The following NUP153 variants were observed in gnomAD, a reference collection of about 807,000 sequenced individuals.
The protein encoded by NUP153 is nuclear pore complex protein Nup153.
In NUP153, 27 loss-of-function variants were observed where a neutral mutation model predicts 134.6. That is an observed-to-expected ratio of 0.20 (90% CI 0.15 to 0.28). The LOEUF is 0.28. Among genes scored for constraint, NUP153 ranks in the 10% least tolerant of loss-of-function variants. The pLI, the probability that NUP153 is intolerant of heterozygous loss-of-function variation, is 1.00. For synonymous variants in NUP153, 640 were observed against 623.5 expected, an observed-to-expected ratio of 1.03 and a Z score of -0.40; for missense variants, 1,821 against 1,731.3, an observed-to-expected ratio of 1.05 and a Z score of -0.92.
At chr6:17,637,857 T>C (rs1299845532) in intron 15 of NUP153, 87 bp from the exon 16 acceptor site, 1 of 1,379,606 alleles carries the variant, frequency 7.2e-7, no homozygotes, top group Non-Finnish European at 9.7e-7. Flanking sequence ...AGAAGACGTT[T>C]ACCTCACTGC....
At chr6:17,645,482 T>G (rs1388946645) in intron 14 of NUP153, among the ~76,000 whole-genome samples, 1 of 142,442 alleles carries the variant, frequency 7.0e-6, no homozygotes, top group East Asian at 2.1e-4. Context: ...TTTTTTTTTT[T>G]CGGTAGGGAT....
At chr6:17,671,265 T>C (rs966046904) in intron 5 of NUP153, among the ~76,000 whole-genome samples, 16 of 152,326 alleles carry the variant, frequency 1.1e-4, no homozygotes, top group African/African-American at 3.4e-4. Flanking sequence ...TCTGTTGCTG[T>C]CTTCTAATGT....
Position 17,632,757 on chromosome 6 carries a change from G to A in NUP153, c.2552C>T (p.Pro851Leu). ...CAATTCACAGTCCCAGCTTCCCTCG[G>A]GTTTCTTGAACTTTTCCAATCCTAG... ...GSLGLEKFKKPEGSWDCELCL... is the reference protein window; with the variant it reads ...GSLGLEKFKKLEGSWDCELCL... The change falls in exon 17 of 22, where the codon CCC becomes CTC. Residue 851 changes from proline (P) to leucine (L), a missense_variant. By Grantham distance (98) the Pro-to-Leu change is moderately conservative (BLOSUM62 -3). Transcript: ENST00000262077. The A allele has an allele frequency of 6.3e-7, 1 of 1,598,650 alleles. No individual in the cohort carries two copies. The highest frequency in any genetic ancestry group is 1.3e-5 in the African/African-American group (1 of 74,172).
chr6:17,628,647 A>G lies in NUP153; in HGVS notation c.3544+8T>C. 1.4e-6 allele frequency: 2 copies of G among 1,415,048 alleles called. No individual in the cohort carries two copies. The highest frequency in any genetic ancestry group is 9.3e-7 in the Non-Finnish European group (1 of 1,075,262). 87.7% of individuals were successfully genotyped at this position (1,415,048 alleles called of 1,614,324 possible). A position where few individuals can be genotyped will look rare whatever the true frequency, so the allele number is the denominator to read the frequency against. On this transcript the variant is annotated splice_region_variant and intron_variant, in intron 18 of 21. Transcript: ENST00000262077. This position sits in a 1 kb window ranked among gnomAD's most constrained non-coding sequence, Gnocchi z 5.4. ...TAATAATAATAATAATAAAAAGTTA[A>G]TACTTACCAGCTGTAGTACTAGTTT...
intron 1 of NUP153, among the ~76,000 whole-genome samples, chr6:17,699,109 T>C (rs1247910942): frequency 6.6e-6 from 1 of 152,204 alleles, no homozygotes; most frequent in East Asian, 1.9e-4. Context: ...TCAGCAAGAC[T>C]TGAAACCAAA....
intron 1 of NUP153, among the ~76,000 whole-genome samples, chr6:17,694,023 A>G (rs1000175476): frequency 9.2e-5 from 14 of 152,030 alleles, no homozygotes; most frequent in Non-Finnish European, 1.8e-4. Flanking sequence ...CTTTTTTTCT[A>G]TATTTTTTTC....
chr6:17,643,481 T>A lies in NUP153; in HGVS notation c.1720+2586A>T, dbSNP rs967902115. On this transcript the variant is annotated intron_variant, in intron 14 of 21. Transcript: ENST00000262077. ...AATGTGCAACACCCACCCCCAACCATCCCCACCAAAAATAACCACCACTCG... is the reference window on the plus strand; with the variant it reads ...AATGTGCAACACCCACCCCCAACCAACCCCACCAAAAATAACCACCACTCG... 5.9e-5 allele frequency among the ~76,000 whole-genome samples: 9 copies of A among 152,028 alleles called. No individual in the cohort carries two copies. In the South Asian group the frequency reaches 1.9e-3, roughly 32 times the overall value.
intron 1 of NUP153, among the ~76,000 whole-genome samples, chr6:17,702,274 G>A (rs916126085): frequency 1.3e-5 from 2 of 152,142 alleles, no homozygotes; most frequent in Non-Finnish European, 2.9e-5. Flanking sequence ...TTGGGAGGCC[G>A]AGGCGGGTGG....
In NUP153 at chr6:17,625,459, G is replaced by C. The variant is rs1029667704; in HGVS notation, c.3901+349C>G. Among the ~76,000 whole-genome samples the C allele has an allele frequency of 6.6e-6, 1 of 152,192 alleles. No individual in the cohort carries two copies. The highest frequency in any genetic ancestry group is 1.5e-5 in the Non-Finnish European group (1 of 68,028). On this transcript the variant is annotated intron_variant, in intron 19 of 21. Transcript: ENST00000262077. This position sits in a 1 kb window ranked among gnomAD's most constrained non-coding sequence, Gnocchi z 4.7. ...GCAGGAGAATTGCTTGAACTCGGGA[G>C]AGGCAGGTTGCAGTGAGCTGAGATT...
At chr6:17,663,396 T>A (rs1348842215) in intron 9 of NUP153, among the ~76,000 whole-genome samples, 1 of 152,060 alleles carries the variant, frequency 6.6e-6, no homozygotes, top group African/African-American at 2.4e-5. Context: ...CCTGCCTTGC[T>A]AGGATTACAG....
At position 17,675,003 on chromosome 6, in the gene NUP153, T is replaced by G. The variant is rs1768130069; in HGVS notation, c.754A>C (p.Ser252Arg). The change falls in exon 5 of 22, where the codon AGT becomes CGT. Residue 252 changes from serine (S) to arginine (R), a missense_variant. By Grantham distance (110) the Ser-to-Arg change is moderately radical. Transcript: ENST00000262077. The surrounding 1 kb of genome is among the most constrained non-coding windows in gnomAD (Gnocchi z 4.4). ...TAAAAAGGAGAATCTCCAAGCTGAC[T>G]GGTTTTAAGGATTGAAGAATTCCCA... Reference protein sequence around the residue: ...SLGNSSILKTSQLGDSPFYPG... With the variant: ...SLGNSSILKTRQLGDSPFYPG... The G allele has an allele frequency of 1.2e-6, 2 of 1,613,666 alleles. No homozygotes were observed. Among genetic ancestry groups the G allele is most frequent in the East Asian group, 4.5e-5 (2 of 44,864 alleles).
intron 14 of NUP153, among the ~76,000 whole-genome samples, chr6:17,644,062 G>C (rs969114278): frequency 1.3e-5 from 2 of 151,572 alleles, no homozygotes; most frequent in Admixed American, 6.6e-5. Context: ...AAAAAAAAAA[G>C]ATAAGGTTGC....
intron 2 of NUP153, among the ~76,000 whole-genome samples, chr6:17,687,484 A>G (rs1468079826): frequency 6.6e-6 from 1 of 152,210 alleles, no homozygotes; most frequent in Non-Finnish European, 1.5e-5. Flanking sequence ...TACTCTAATA[A>G]AAGTAAGTGA....
intron 20 of NUP153, among the ~76,000 whole-genome samples, chr6:17,623,639 T>G (rs1206480555): frequency 1.3e-5 from 2 of 152,168 alleles, no homozygotes; most frequent in Admixed American, 6.6e-5. Context: ...GAAACATATG[T>G]CAACAGTAAA....
chr6:17,706,373 G>C lies in NUP153; in HGVS notation c.15C>G (p.Ala5=), dbSNP rs751151863. 1 of 1,612,202 alleles carries C rather than the reference G, an allele frequency of 6.2e-7. No homozygotes were observed. The highest frequency in any genetic ancestry group is 8.5e-7 in the Non-Finnish European group (1 of 1,179,544). MASG[A]GGVGGGGGGK... ...CGCCACCGCCCCCTCCGACTCCTCC[G>C]GCTCCCGAGGCCATGGCGGAGCCTC... is the stretch of plus-strand genomic sequence containing the variant. Residue 5 remains alanine, a synonymous_variant, in exon 1 of 22, where the codon GCC becomes GCG. Transcript: ENST00000262077. The surrounding 1 kb of genome is among the most constrained non-coding windows in gnomAD (Gnocchi z 5.9).
intron 14 of NUP153, 51 bp downstream of exon 14, chr6:17,646,016 T>C (rs1766152455): frequency 1.4e-6 from 1 of 734,022 alleles, no homozygotes; most frequent in Non-Finnish European, 2.3e-6. Context: ...GAAATACTAA[T>C]CTACTGTATG....
At chr6:17,663,260 C>CACACACATATAT (rs1389702878) in intron 9 of NUP153, among the ~76,000 whole-genome samples, 48 of 140,076 alleles carry the variant, frequency 3.4e-4, no homozygotes, top group Non-Finnish European at 5.6e-4. Context: ...CACACACACA[C>CACACACATATAT]ATATATATAT....
chr6:17,649,069 T>C, intron 12 of NUP153, 94 bp downstream of exon 12: 1 of 1,170,252 alleles, frequency 8.5e-7, no homozygotes. Context: ...ATTTCCATAA[T>C]GAAAATTAAA....
Position 17,661,631 on chromosome 6 carries a change from GTA to G in NUP153, c.1395+20_1395+21del, listed in dbSNP as rs1405819861. ...AATGCTTTTTAAATAAACCTCAAGA[GTA>G]TATGAGTATACAACCCTACCTCCTC... On this transcript the variant is annotated intron_variant, in intron 11 of 21. Coordinates refer to ENST00000262077, the MANE Select transcript of NUP153 (RefSeq NM_005124.4). 2 of 1,608,702 alleles carry G rather than the reference GTA, an allele frequency of 1.2e-6. No individual in the cohort carries two copies. The highest frequency in any genetic ancestry group is 4.5e-5 in the East Asian group (2 of 44,720).
Sources: gnomAD v4.1 joint callset for allele counts (sites outside exome capture counted in the v4.1 genomes callset) on GRCh38, gnomAD v4.1.1 for gene constraint, Gnocchi (gnomAD v3.1) non-coding constraint, MANE v1.5 for transcripts, NCBI Gene and HGNC (gene_info 2026-07-23, HGNC 2026-07-21) for gene names.